SLC13A5: variants seen among roughly 807,000 people sequenced by gnomAD.
The protein encoded by SLC13A5 is solute carrier family 13 member 5.
Under a neutral mutation model 56.5 loss-of-function variants are expected in SLC13A5, and 25 were observed. The ratio of observed to expected loss-of-function variants is 0.44; its 90% confidence interval spans 0.32 to 0.62. SLC13A5 has a LOEUF of 0.62. Among genes scored for constraint, SLC13A5 ranks in the 20% least tolerant of loss-of-function variants. The pLI, the probability that SLC13A5 is intolerant of heterozygous loss-of-function variation, is 0.04. For missense variants in SLC13A5, 649 were observed against 737.8 expected (o/e 0.88, Z 1.39); for synonymous variants, 307 against 301.5 (o/e 1.02, Z -0.19).
rs200900896 is a variant in SLC13A5, at chr17:6,693,178, A to AACACACACACACACAC, written c.1157-32_1157-17dup. On this transcript the variant is annotated splice_polypyrimidine_tract_variant and intron_variant, in intron 8 of 11. Coordinates refer to ENST00000433363, the MANE Select transcript of SLC13A5 (RefSeq NM_177550.5). Reference sequence around the variant, plus strand: ...GTTTTCCTTTCTGGGAAGAAAAAGAAACACACACACACACACACACACACA... The same window carrying AACACACACACACACAC: ...GTTTTCCTTTCTGGGAAGAAAAAGAAACACACACACACACACACACACACACACACACACACACACA... 352 of 697,894 alleles carry AACACACACACACACAC rather than the reference A, an allele frequency of 5.0e-4. 2 individuals are homozygous for AACACACACACACACAC. Among genetic ancestry groups the AACACACACACACACAC allele is most frequent in the Admixed American group, 1.8e-3 (67 of 36,274 alleles). 43.2% of individuals were successfully genotyped at this position (697,894 alleles called of 1,614,324 possible).
In SLC13A5 at chr17:6,698,344, C is replaced by T. The variant is rs138512047; in HGVS notation, c.840-2403G>A. On this transcript the variant is annotated intron_variant, in intron 6 of 11. Transcript: ENST00000433363. ...GCCGTGCCAGGCTGGGTGGACTCAG[C>T]TTCAGGTTCTGGCTGTGAGTCTCCA... 9.6e-4 allele frequency among the ~76,000 whole-genome samples: 146 copies of T among 152,340 alleles called. 1 individual carries two copies. Among genetic ancestry groups the T allele is most frequent in the African/African-American group, 3.2e-3 (133 of 41,564 alleles).
rs59197080 is a variant in SLC13A5, at chr17:6,711,485, GGTGTGTGT to G, written c.102+1739_102+1746del. ...CACTGAGTTAGGGTTTCCAGTTCAG[GGTGTGTGT>G]GTGTGTGTGTGTGTATGTGTATGTG... is the stretch of plus-strand genomic sequence containing the variant. On this transcript the variant is annotated intron_variant, in intron 1 of 11. Transcript: ENST00000433363. This position sits in a 1 kb window ranked among gnomAD's most constrained non-coding sequence, Gnocchi z 4.0. Among the ~76,000 whole-genome samples the G allele has an allele frequency of 2.7e-5, 4 of 148,216 alleles. No homozygotes were observed. Among genetic ancestry groups the G allele is most frequent in the South Asian group, 2.2e-4 (1 of 4,576 alleles).
rs777285678 is a variant in SLC13A5 at position 6,690,796 on chromosome 17, G to A, written c.1420C>T (p.Pro474Ser). Residue 474 changes from proline to serine, a missense_variant, in exon 10 of 12, where the codon CCC (proline) becomes TCC (serine). Physicochemically the swap from Pro to Ser is moderately conservative, Grantham distance 74. Coordinates refer to ENST00000433363, the MANE Select transcript of SLC13A5 (RefSeq NM_177550.5). ...TTACTTACCATGGAGGCAAAGATGG[G>A]CAGGAACAAGGTGGTGGTGGCCACG... ...SNVATTTLFL[P>S]IFASMSRSIG... is the part of the protein sequence containing the mutation. The A allele has an allele frequency of 3.7e-6, 6 of 1,614,200 alleles. No homozygotes were observed. The Admixed American group carries it at 1.0e-4, about 27-fold the overall frequency.
chr17:6,694,148 T>C lies in SLC13A5; in HGVS notation c.1105A>G (p.Ile369Val), dbSNP rs1973493192. 1.9e-6 allele frequency: 3 copies of C among 1,613,562 alleles called. No homozygotes were observed. The highest frequency in any genetic ancestry group is 2.2e-5 in the South Asian group (2 of 90,946). The stretch of plus-strand genomic sequence containing the variant: ...AACTTGGGCTTCTGTGAAGGCACAA[T>C]GAATAGCAGGGTGGCCACAAAGATG... Reference protein sequence around the residue: ...VAIFVATLLFIVPSQKPKFNF... With the variant: ...VAIFVATLLFVVPSQKPKFNF... The change falls in exon 8 of 12, where the codon ATT (isoleucine) becomes GTT (valine). Residue 369 changes from isoleucine (I) to valine (V), a missense_variant. By Grantham distance (29) the Ile-to-Val change is conservative. Transcript: ENST00000433363.
intron 11 of SLC13A5, 105 bp from the exon 12 acceptor site, chr17:6,686,443 G>A: frequency 6.8e-7 from 1 of 1,464,256 alleles, no homozygotes; most frequent in South Asian, 1.2e-5. Context: ...CCTGTGCCAT[G>A]CTCTGTCCCT....
intron 6 of SLC13A5, among the ~76,000 whole-genome samples, chr17:6,696,480 G>A (rs896784889): frequency 2.6e-5 from 4 of 152,096 alleles, no homozygotes; most frequent in Admixed American, 6.5e-5. Context: ...GGGGTTAGCA[G>A]CAAGCATGGC....
At chr17:6,712,036 C>A (rs1422085005) in intron 1 of SLC13A5, among the ~76,000 whole-genome samples, 2 of 152,176 alleles carry the variant, frequency 1.3e-5, no homozygotes, top group African/African-American at 4.8e-5. Context: ...CCTTTTGATT[C>A]CCAAAGCCTT....
At chr17:6,703,234 T>G in intron 4 of SLC13A5, 96 bp from the exon 5 acceptor site, 3 of 1,473,278 alleles carry the variant, frequency 2.0e-6, no homozygotes, top group Non-Finnish European at 2.8e-6. Flanking sequence ...GATTGGGAAA[T>G]CCCAGCTCTG....
At position 6,701,130 on chromosome 17, in the gene SLC13A5, C is replaced by T. The variant is rs1181888064; in HGVS notation, c.717-4G>A. ...GTCCTTGCTGTCAGGAAACAACCTA[C>T]AAGAAGACACCGGCCCCCACCTCAG... On this transcript the variant is annotated splice_region_variant and splice_polypyrimidine_tract_variant and intron_variant, in intron 5 of 11. Coordinates refer to ENST00000433363, the MANE Select transcript of SLC13A5 (RefSeq NM_177550.5). This position sits in a 1 kb window ranked among gnomAD's most constrained non-coding sequence, Gnocchi z 4.1. 2 of 1,613,688 alleles carry T rather than the reference C, an allele frequency of 1.2e-6. No homozygotes were observed. Among genetic ancestry groups the T allele is most frequent in the Admixed American group, 1.7e-5 (1 of 59,974 alleles).
In SLC13A5 at chr17:6,703,831, G is replaced by A. The variant is rs62061540; in HGVS notation, c.547+47C>T. 0.021 allele frequency: 30,640 copies of A among 1,488,894 alleles called. 533 individuals are homozygous for A. Among genetic ancestry groups the A allele is most frequent in the East Asian group, 0.088 (3,829 of 43,492 alleles). 92.2% of individuals were successfully genotyped at this position (1,488,894 alleles called of 1,614,324 possible). On this transcript the variant is annotated intron_variant, in intron 4 of 11. Transcript: ENST00000433363. ...CCAAAGCATTTGCCAGCAGAGGGAG[G>A]GGAAGGCTGCTGTTGTGGCCTGGCA...
chr17:6,690,989 TC>T (rs766987059), intron 9 of SLC13A5, 49 bp from the exon 10 acceptor site: 1 of 1,560,650 alleles, frequency 6.4e-7, no homozygotes, highest in Non-Finnish European at 8.7e-7. Flanking sequence ...AGCTTGCAGT[TC>T]CTTCAGGGCC....
rs1468089115 is a variant in SLC13A5, at chr17:6,690,948, G to A, written c.1276-8C>T. The stretch of plus-strand genomic sequence containing the variant: ...CACGGACAGCCCCGAGGCCTGGGAA[G>A]CACCAGGAGGGCAGTCATCTCAGCG... On this transcript the variant is annotated splice_region_variant and splice_polypyrimidine_tract_variant and intron_variant, in intron 9 of 11. Transcript: ENST00000433363. 2 of 1,595,180 alleles carry A rather than the reference G, an allele frequency of 1.3e-6. No individual in the cohort carries two copies. The highest frequency in any genetic ancestry group is 4.5e-5 in the East Asian group (2 of 44,648).
Position 6,701,091 on chromosome 17 carries a change from G to A in SLC13A5, c.752C>T (p.Ala251Val), listed in dbSNP as rs150517372. ...FPDSKDLVNF[A>V]SWFAFAFPNM... The stretch of plus-strand genomic sequence containing the variant: ...GGGAAAGGCAAATGCAAACCAGGAA[G>A]CAAAGTTCACGAGGTCCTTGCTGTC... Residue 251 changes from alanine to valine, a missense_variant, in exon 6 of 12, where the codon GCT becomes GTT. Coordinates refer to ENST00000433363, the MANE Select transcript of SLC13A5 (RefSeq NM_177550.5). The surrounding 1 kb of genome is among the most constrained non-coding windows in gnomAD (Gnocchi z 4.1). 131 of 1,614,086 alleles carry A rather than the reference G, an allele frequency of 8.1e-5. No individual in the cohort carries two copies. The highest frequency in any genetic ancestry group is 3.3e-4 in the Middle Eastern group (2 of 6,082).
rs538659563 is a variant in SLC13A5, at chr17:6,690,099, T to C, written c.1437+680A>G. 228 of 75,466 alleles carry C rather than the reference T, an allele frequency of 3.0e-3. 2 individuals carry two copies. Among genetic ancestry groups the C allele is most frequent in the African/African-American group, 0.01 (222 of 21,492 alleles). The allele number at this position is 75,466 out of a possible 1,614,324, so 4.7% of individuals were successfully genotyped here. A position where few individuals can be genotyped will look rare whatever the true frequency, so the allele number is the denominator to read the frequency against. On this transcript the variant is annotated intron_variant, in intron 10 of 11. Coordinates refer to ENST00000433363, the MANE Select transcript of SLC13A5 (RefSeq NM_177550.5). ...AAAAAAAAAAAAAAAAAAAAAACCATAGCCACTGATTTTCCTATAAGCTCT... is the reference window on the plus strand; with the variant it reads ...AAAAAAAAAAAAAAAAAAAAAACCACAGCCACTGATTTTCCTATAAGCTCT...
chr17:6,695,629 G>C, intron 7 of SLC13A5, 97 bp downstream of exon 7: 2 of 1,235,360 alleles, frequency 1.6e-6, no homozygotes, highest in Non-Finnish European at 2.3e-6. Context: ...GACCTCAAGT[G>C]ACCCACCCAC....
rs372124701 is a variant in SLC13A5 at position 6,695,965 on chromosome 17, A to C, written c.840-24T>G. Reference sequence around the variant, plus strand: ...AACTGGAGAATGCAAAGATGAGAGAAGGGCAGGGCAGACTGGTTGGCTCAG... The same window carrying C: ...AACTGGAGAATGCAAAGATGAGAGACGGGCAGGGCAGACTGGTTGGCTCAG... On this transcript the variant is annotated intron_variant, in intron 6 of 11. Coordinates refer to ENST00000433363, the MANE Select transcript of SLC13A5 (RefSeq NM_177550.5). 1.9e-6 allele frequency: 3 copies of C among 1,608,998 alleles called. No individual in the cohort carries two copies. The African/African-American group carries it at 4.0e-5, about 21-fold the overall frequency.
At chr17:6,696,798 GC>G (rs1370943445) in intron 6 of SLC13A5, among the ~76,000 whole-genome samples, 1 of 152,118 alleles carries the variant, frequency 6.6e-6, no homozygotes, top group African/African-American at 2.4e-5. Flanking sequence ...GTCCTGGAGA[GC>G]CCTCCCTCGT....
At chr17:6,704,103 C>A in intron 3 of SLC13A5, 47 bp from the exon 4 acceptor site, 1 of 1,567,804 alleles carries the variant, frequency 6.4e-7, no homozygotes, top group East Asian at 2.3e-5. Flanking sequence ...CCCACCCCAC[C>A]CCCGTACTCC....
Position 6,701,233 on chromosome 17 carries a change from TGGAGG to T in SLC13A5, c.717-112_717-108del. 6.8e-7 allele frequency: 1 copy of T among 1,479,182 alleles called. No individual in the cohort carries two copies. The highest frequency in any genetic ancestry group is 9.1e-7 in the Non-Finnish European group (1 of 1,094,522). 91.6% of individuals were successfully genotyped at this position (1,479,182 alleles called of 1,614,324 possible). On this transcript the variant is annotated intron_variant, in intron 5 of 11. Coordinates refer to ENST00000433363, the MANE Select transcript of SLC13A5 (RefSeq NM_177550.5). This position sits in a 1 kb window ranked among gnomAD's most constrained non-coding sequence, Gnocchi z 4.1. ...CTGGGCCCTGAGAGGCGCGCCTGTG[TGGAGG>T]CCACATCCTCCTGAGGTCTAGCCAC...
Sources: allele counts gnomAD v4.1 joint callset (sites outside exome capture counted in the v4.1 genomes callset), GRCh38; gene constraint gnomAD v4.1.1; non-coding constraint Gnocchi (gnomAD v3.1); transcripts MANE v1.5; gene names NCBI Gene and HGNC (gene_info 2026-07-23, HGNC 2026-07-21).